The following FRAS1 variants were observed in gnomAD, a reference collection of about 807,000 sequenced individuals.
The protein encoded by FRAS1 is Fraser extracellular matrix complex subunit 1.
A neutral mutation model predicts 435.2 loss-of-function variants in FRAS1; 290 were observed. The observed-to-expected ratio is 0.67, with a 90% CI of 0.61 to 0.73. The LOEUF (loss-of-function observed/expected upper bound fraction) is 0.73, where lower values mean the gene tolerates loss of function less well. FRAS1 is among the 30% of genes least tolerant of loss of function. FRAS1 has a pLI of 0.00. For synonymous variants in FRAS1, 1,800 were observed against 1,851.0 expected (o/e 0.97, Z 0.71); for missense variants, 4,860 against 5,001.5 (o/e 0.97, Z 0.85).
At chr4:78,414,015 G>A (rs1733457257) in intron 32 of FRAS1, among the ~76,000 whole-genome samples, 1 of 152,144 alleles carries the variant, frequency 6.6e-6, no homozygotes, top group African/African-American at 2.4e-5. Context: ...ACACTCCAAA[G>A]TACTGTATCA....
chr4:78,119,925 A>G (rs980895407), intron 2 of FRAS1, among the ~76,000 whole-genome samples: 7 of 152,168 alleles, frequency 4.6e-5, no homozygotes, highest in African/African-American at 1.4e-4. Flanking sequence ...AGAAACCACT[A>G]ATGTTACTAC....
chr4:78,134,594 A>G (rs1263510678), intron 2 of FRAS1, among the ~76,000 whole-genome samples: 1 of 152,204 alleles, frequency 6.6e-6, no homozygotes, highest in African/African-American at 2.4e-5. Context: ...TCCTTTCATG[A>G]TAGATAACCC....
At chr4:78,445,271 A>G (rs956668973) in intron 41 of FRAS1, among the ~76,000 whole-genome samples, 1 of 152,124 alleles carries the variant, frequency 6.6e-6, no homozygotes, top group African/African-American at 2.4e-5. Flanking sequence ...TTTTTTGCAT[A>G]TTATCTCATT....
At chr4:78,476,889 C>T (rs1003143333) in intron 54 of FRAS1, among the ~76,000 whole-genome samples, 8 of 151,572 alleles carry the variant, frequency 5.3e-5, no homozygotes, top group East Asian at 1.9e-4. Flanking sequence ...CAGTTATCTC[C>T]GTTTACACAA....
chr4:78,326,341 A>G (rs1729716440), intron 18 of FRAS1, among the ~76,000 whole-genome samples: 1 of 152,194 alleles, frequency 6.6e-6, no homozygotes, highest in Admixed American at 6.5e-5. Context: ...TGGTGATAGA[A>G]AAGTAGAAGA....
At chr4:78,067,789 G>A (rs1046828427) in intron 2 of FRAS1, among the ~76,000 whole-genome samples, 8 of 149,480 alleles carry the variant, frequency 5.4e-5, no homozygotes, top group Non-Finnish European at 8.9e-5. Context: ...TGCCTCTAGG[G>A]TTCAAGTGAT....
intron 2 of FRAS1, among the ~76,000 whole-genome samples, chr4:78,221,078 G>A (rs1424628128): frequency 1.3e-5 from 2 of 152,134 alleles, no homozygotes; most frequent in African/African-American, 4.8e-5. Context: ...TGAAGTGGGA[G>A]GATGGCTTGA....
intron 11 of FRAS1, 53 bp from the exon 12 acceptor site, chr4:78,282,767 C>A: frequency 6.2e-7 from 1 of 1,600,326 alleles, no homozygotes. Context: ...AGCAAGCTCT[C>A]TTCTGAATTA....
chr4:78,304,396 T>C (rs1334512178), intron 14 of FRAS1, among the ~76,000 whole-genome samples: 2 of 152,224 alleles, frequency 1.3e-5, no homozygotes, highest in African/African-American at 4.8e-5. Context: ...GAATTTCCTC[T>C]TTTTCTATTG....
intron 49 of FRAS1, among the ~76,000 whole-genome samples, chr4:78,465,719 G>A (rs1030327514): frequency 1.3e-5 from 2 of 150,496 alleles, no homozygotes; most frequent in African/African-American, 4.8e-5. Flanking sequence ...TTAGGCCTTG[G>A]CATTTTGTTT....
At chr4:78,191,389 C>T (rs965031339) in intron 2 of FRAS1, among the ~76,000 whole-genome samples, 6 of 152,018 alleles carry the variant, frequency 3.9e-5, no homozygotes, top group African/African-American at 1.2e-4. Context: ...TCAGTTAAAC[C>T]GGCATTTTAT....
intron 2 of FRAS1, chr4:78,180,965 A>G: frequency 6.2e-7 from 1 of 1,610,796 alleles, no homozygotes. Context: ...CACCACGCCC[A>G]TGTCCACCTT....
rs138374754 is a variant in FRAS1 at position 78,365,273 on chromosome 4, T to A, written c.2722+1219T>A. ...AGGTACTGGAGATCTAAAAACAAAC[T>A]TTTTTGGGCTAGTGGGAAGATTGCT... On this transcript the variant is annotated intron_variant, in intron 22 of 73. Transcript: ENST00000512123. Among the ~76,000 whole-genome samples, 22 of 152,308 alleles carry A rather than the reference T, an allele frequency of 1.4e-4. 1 individual carries two copies. In the East Asian group the frequency reaches 4.2e-3, roughly 29 times the overall value.
At chr4:78,497,180 C>A (rs2109871877) in intron 60 of FRAS1, among the ~76,000 whole-genome samples, 1 of 152,158 alleles carries the variant, frequency 6.6e-6, no homozygotes, top group Non-Finnish European at 1.5e-5. Context: ...TACCACAGTG[C>A]TAGGAGATAT....
intron 2 of FRAS1, among the ~76,000 whole-genome samples, chr4:78,212,697 G>A (rs976663654): frequency 1.3e-5 from 2 of 152,184 alleles, no homozygotes; most frequent in African/African-American, 4.8e-5. Context: ...CCAACACTGA[G>A]CTTAGCACCT....
chr4:78,176,165 A>G (rs192848348), intron 2 of FRAS1, among the ~76,000 whole-genome samples: 1 of 152,308 alleles, frequency 6.6e-6, no homozygotes, highest in Admixed American at 6.5e-5. Context: ...TTAGCTTCCT[A>G]TTATATGTGA....
At chr4:78,246,794 G>A (rs1725269223) in intron 4 of FRAS1, among the ~76,000 whole-genome samples, 1 of 152,096 alleles carries the variant, frequency 6.6e-6, no homozygotes, top group Non-Finnish European at 1.5e-5. Context: ...CCAGGGACAT[G>A]GGAGATCAGA....
At chr4:78,115,223 C>T (rs1052802956) in intron 2 of FRAS1, among the ~76,000 whole-genome samples, 21 of 151,908 alleles carry the variant, frequency 1.4e-4, no homozygotes, top group South Asian at 2.1e-4. Context: ...CTGCTGGATT[C>T]GGTTTGCCAG....
chr4:78,381,304 GTAT>G (rs778993762), intron 27 of FRAS1, among the ~76,000 whole-genome samples: 2 of 152,066 alleles, frequency 1.3e-5, no homozygotes, highest in Non-Finnish European at 2.9e-5. Context: ...TTTACTATAA[GTAT>G]TATTATTGTT....
Sources: allele counts gnomAD v4.1 joint callset (sites outside exome capture counted in the v4.1 genomes callset), GRCh38; gene constraint gnomAD v4.1.1; transcripts MANE v1.5; gene names NCBI Gene and HGNC (gene_info 2026-07-23, HGNC 2026-07-21).